Variants in LRRC4C observed in about 807,000 individuals in gnomAD.
LRRC4C encodes the protein leucine-rich repeat-containing protein 4C.
LRRC4C carries 5 observed loss-of-function variants against 33.6 expected under a neutral mutation model. The observed-to-expected ratio is 0.15, with a 90% confidence interval of 0.08 to 0.31. The LOEUF is 0.31. Among genes scored for constraint, LRRC4C ranks in the 10% least tolerant of loss-of-function variants. The pLI is 1.00. For missense variants in LRRC4C, 560 were observed against 796.7 expected (o/e 0.70, Z 3.58); for synonymous variants, 329 against 302.0 (o/e 1.09, Z -0.93).
chr11:41,053,952 T>C (rs1235815136), intron 1 of LRRC4C, among the ~76,000 whole-genome samples: 1 of 152,158 alleles, frequency 6.6e-6, no homozygotes, highest in Non-Finnish European at 1.5e-5. Flanking sequence ...GTTAGGGAGT[T>C]ATAGGACTTA....
At chr11:40,765,326 G>A (rs1318792869) in intron 2 of LRRC4C, among the ~76,000 whole-genome samples, 2 of 152,150 alleles carry the variant, frequency 1.3e-5, no homozygotes, top group East Asian at 1.9e-4. Flanking sequence ...CTCCAGCCAT[G>A]TAAGATGTGC....
intron 1 of LRRC4C, among the ~76,000 whole-genome samples, chr11:41,379,209 G>C (rs1242233572): frequency 1.3e-5 from 2 of 151,978 alleles, no homozygotes; most frequent in African/African-American, 4.8e-5. Context: ...CTTGCACTGT[G>C]GTTAAATATA....
At chr11:40,669,438 A>G (rs1190410275) in intron 2 of LRRC4C, among the ~76,000 whole-genome samples, 1 of 152,332 alleles carries the variant, frequency 6.6e-6, no homozygotes, top group South Asian at 2.1e-4. Flanking sequence ...TCGGGAACCC[A>G]TAGACAGCTG....
At chr11:41,124,006 G>T (rs1397817343) in intron 1 of LRRC4C, among the ~76,000 whole-genome samples, 2 of 152,112 alleles carry the variant, frequency 1.3e-5, no homozygotes, top group Non-Finnish European at 2.9e-5. Flanking sequence ...GATTTTTGAA[G>T]CCTAAATTCC....
chr11:40,350,609 T>C (rs1947339406), intron 3 of LRRC4C, among the ~76,000 whole-genome samples: 1 of 152,098 alleles, frequency 6.6e-6, no homozygotes, highest in Non-Finnish European at 1.5e-5. Context: ...TTTAGAATTA[T>C]TTTTCATATT....
chr11:41,066,579 C>G (rs1051916151), intron 1 of LRRC4C, among the ~76,000 whole-genome samples: 9 of 152,042 alleles, frequency 5.9e-5, no homozygotes, highest in African/African-American at 1.9e-4. Context: ...CTAAGATACT[C>G]CACAAGAAGA....
At chr11:40,709,831 A>G (rs942014565) in intron 2 of LRRC4C, among the ~76,000 whole-genome samples, 1 of 152,210 alleles carries the variant, frequency 6.6e-6, no homozygotes, top group South Asian at 2.1e-4. Flanking sequence ...ACACCAATCA[A>G]ATGTAGCTTT....
chr11:40,539,641 C>A (rs1956622966), intron 3 of LRRC4C, among the ~76,000 whole-genome samples: 1 of 151,986 alleles, frequency 6.6e-6, no homozygotes, highest in African/African-American at 2.4e-5. Flanking sequence ...TATAAAACTA[C>A]CTACAGAGTA....
intron 2 of LRRC4C, among the ~76,000 whole-genome samples, chr11:40,914,194 T>C (rs1276331477): frequency 6.6e-6 from 1 of 152,166 alleles, no homozygotes; most frequent in African/African-American, 2.4e-5. Flanking sequence ...CTAAGTCATT[T>C]TATGAGGCCA....
intron 3 of LRRC4C, among the ~76,000 whole-genome samples, chr11:40,429,569 A>AAT (rs1426017459): frequency 3.6e-4 from 19 of 52,158 alleles, no homozygotes; most frequent in African/African-American, 1.1e-3. Flanking sequence ...CAATAATAAT[A>AAT]AAAAAAAAAC....
intron 2 of LRRC4C, among the ~76,000 whole-genome samples, chr11:40,859,309 T>C (rs1022671064): frequency 2.6e-5 from 4 of 151,976 alleles, no homozygotes; most frequent in African/African-American, 4.8e-5. Context: ...AAAAAGGAGA[T>C]TATGGTAGTG....
chr11:40,486,796 C>A (rs966278325), intron 3 of LRRC4C, among the ~76,000 whole-genome samples: 1 of 151,876 alleles, frequency 6.6e-6, no homozygotes, highest in Non-Finnish European at 1.5e-5. Flanking sequence ...AATGTTTGTA[C>A]ATTTTCATAA....
At chr11:40,253,510 A>C (rs1377106) in intron 4 of LRRC4C, among the ~76,000 whole-genome samples, 1 of 152,070 alleles carries the variant, frequency 6.6e-6, no homozygotes, top group African/African-American at 2.4e-5. Context: ...TAAAATGAGC[A>C]TAACAGTAAC....
At chr11:40,715,381 A>G (rs1244240932) in intron 2 of LRRC4C, among the ~76,000 whole-genome samples, 4 of 152,382 alleles carry the variant, frequency 2.6e-5, no homozygotes, top group Non-Finnish European at 5.9e-5. Context: ...AGTATATAAA[A>G]AGCCAAATGA....
rs199560536 is a variant in LRRC4C, at chr11:40,844,219, CCTTAAA to C, written c.-407+89410_-407+89415del. On this transcript the variant is annotated intron_variant, in intron 2 of 6. Transcript: ENST00000528697. ...TAACCTGCACGTTGTGCACATGTAC[CCTTAAA>C]CTTAAAGTATAATAAAAAAAAAAAA... is the stretch of plus-strand genomic sequence containing the variant. Among the ~76,000 whole-genome samples the C allele has an allele frequency of 9.6e-3, 1,448 of 150,836 alleles. 11 individuals carry two copies. The highest frequency in any genetic ancestry group is 0.018 in the South Asian group (86 of 4,770).
At chr11:40,883,267 T>C (rs966469455) in intron 2 of LRRC4C, among the ~76,000 whole-genome samples, 2 of 152,050 alleles carry the variant, frequency 1.3e-5, no homozygotes, top group Non-Finnish European at 2.9e-5. Flanking sequence ...GAAATGCAAC[T>C]TTCCAGTCTT....
intron 2 of LRRC4C, among the ~76,000 whole-genome samples, chr11:40,774,557 T>C (rs1949900506): frequency 6.6e-6 from 1 of 152,078 alleles, no homozygotes; most frequent in South Asian, 2.1e-4. Flanking sequence ...GACACTAGAA[T>C]AGATTTGACT....
chr11:40,736,322 G>A (rs1489524179), intron 2 of LRRC4C, among the ~76,000 whole-genome samples: 2 of 152,006 alleles, frequency 1.3e-5, no homozygotes, highest in Non-Finnish European at 2.9e-5. Flanking sequence ...CTTCATCCAT[G>A]TCCCTGCAAA....
chr11:40,914,357 G>A lies in LRRC4C; in HGVS notation c.-407+19278C>T, dbSNP rs537699389. Among the ~76,000 whole-genome samples, 3 of 152,274 alleles carry A rather than the reference G, an allele frequency of 2.0e-5. No individual in the cohort carries two copies. In the East Asian group the frequency reaches 5.8e-4, roughly 29 times the overall value. On this transcript the variant is annotated intron_variant, in intron 2 of 6. Coordinates refer to ENST00000528697, the MANE Select transcript of LRRC4C (RefSeq NM_001258419.2). ...CAAAAAGCTTATCCACCATGATCAA[G>A]TGGGCTTCATCCCTGGGATGCAAGG...
Sources: gnomAD v4.1 joint callset for allele counts (sites outside exome capture counted in the v4.1 genomes callset) on GRCh38, gnomAD v4.1.1 for gene constraint, MANE v1.5 for transcripts, NCBI Gene and HGNC (gene_info 2026-07-23, HGNC 2026-07-21) for gene names.